SKAP1: variants seen among roughly 807,000 people sequenced by gnomAD.
SKAP1 encodes the protein src kinase-associated phosphoprotein 1.
In SKAP1, 44 loss-of-function variants were observed where a neutral mutation model predicts 58.5. The ratio of observed to expected loss-of-function variants is 0.75; its 90% CI spans 0.59 to 0.97. The LOEUF is 0.97. Among genes scored for constraint, SKAP1 ranks in the 50% least tolerant of loss-of-function variants. The pLI is 0.00. For missense variants in SKAP1, 390 were observed against 435.2 expected (o/e 0.90, Z 0.92); for synonymous variants, 127 against 149.7 (o/e 0.85, Z 1.11).
intron 4 of SKAP1, among the ~76,000 whole-genome samples, chr17:48,311,070 G>A (rs568960497): frequency 5.3e-5 from 8 of 152,158 alleles, no homozygotes; most frequent in East Asian, 1.9e-4. Flanking sequence ...GCATGTGCAC[G>A]GTCAGGTCAG....
chr17:48,238,949 C>G (rs1440126429), intron 4 of SKAP1, among the ~76,000 whole-genome samples: 1 of 151,926 alleles, frequency 6.6e-6, no homozygotes, highest in Non-Finnish European at 1.5e-5. Context: ...ATGAAAGATG[C>G]CCAGAAAAAG....
At chr17:48,232,512 G>T (rs972952932) in intron 4 of SKAP1, among the ~76,000 whole-genome samples, 4 of 152,290 alleles carry the variant, frequency 2.6e-5, no homozygotes, top group East Asian at 3.9e-4. Flanking sequence ...CAACGGTAAA[G>T]GTTCCATTGT....
intron 4 of SKAP1, among the ~76,000 whole-genome samples, chr17:48,339,458 C>G (rs573988801): frequency 6.6e-6 from 1 of 152,030 alleles, no homozygotes; most frequent in South Asian, 2.1e-4. Flanking sequence ...AAAATACACA[C>G]GAAGAAAGTT....
chr17:48,270,597 TC>T (rs1424529872), intron 4 of SKAP1, among the ~76,000 whole-genome samples: 1 of 152,090 alleles, frequency 6.6e-6, no homozygotes, highest in Non-Finnish European at 1.5e-5. Context: ...GGCCTCGACC[TC>T]CCAAAGTGCT....
chr17:48,311,852 AAGAT>A (rs947186058), intron 4 of SKAP1, among the ~76,000 whole-genome samples: 1 of 152,216 alleles, frequency 6.6e-6, no homozygotes, highest in Non-Finnish European at 1.5e-5. Context: ...CTGACACAAA[AAGAT>A]AGAGCTGTTC....
intron 1 of SKAP1, among the ~76,000 whole-genome samples, chr17:48,398,977 C>A (rs1436140797): frequency 6.6e-6 from 1 of 152,068 alleles, no homozygotes; most frequent in Non-Finnish European, 1.5e-5. Flanking sequence ...GCTGAGATTG[C>A]ATCACTGCAC....
chr17:48,135,167 A>G (rs1039542369), intron 12 of SKAP1, among the ~76,000 whole-genome samples: 5 of 152,130 alleles, frequency 3.3e-5, no homozygotes, highest in Non-Finnish European at 7.4e-5. Flanking sequence ...ATCCTTATGT[A>G]TTTTCCTAAA....
At chr17:48,184,378 AG>A (rs1350497203) in intron 7 of SKAP1, among the ~76,000 whole-genome samples, 1 of 152,204 alleles carries the variant, frequency 6.6e-6, no homozygotes, top group African/African-American at 2.4e-5. Context: ...AATCAGTCGA[AG>A]AATAAAGAGA....
chr17:48,287,189 T>C (rs2065842046), intron 4 of SKAP1, among the ~76,000 whole-genome samples: 1 of 152,020 alleles, frequency 6.6e-6, no homozygotes, highest in Admixed American at 6.6e-5. Context: ...ATTTGGCAAA[T>C]TGTGCCAGTG....
chr17:48,269,422 T>A (rs116338718), intron 4 of SKAP1, among the ~76,000 whole-genome samples: 3,711 of 152,264 alleles, frequency 0.024, 144 homozygotes, highest in African/African-American at 0.083. Flanking sequence ...ACACCAGGAC[T>A]AGAGAATGTG....
chr17:48,430,358 C>T (rs1003126844), upstream of SKAP1: 1 of 239,462 alleles, frequency 4.2e-6, no homozygotes, highest in Admixed American at 5.6e-5. Flanking sequence ...ACGCCGGAGC[C>T]CCACGGTAGA....
intron 4 of SKAP1, among the ~76,000 whole-genome samples, chr17:48,337,163 G>A (rs1017403200): frequency 6.6e-6 from 1 of 151,998 alleles, no homozygotes; most frequent in Admixed American, 6.6e-5. Context: ...CAGTGTATCC[G>A]GATTTAAGCT....
intron 1 of SKAP1, among the ~76,000 whole-genome samples, chr17:48,413,020 A>G (rs2144586833): frequency 6.6e-6 from 1 of 151,926 alleles, no homozygotes; most frequent in African/African-American, 2.4e-5. Flanking sequence ...TGCTCTAAAA[A>G]TACGCCCACA....
chr17:48,207,239 C>T (rs1299516422), intron 4 of SKAP1, among the ~76,000 whole-genome samples: 1 of 152,072 alleles, frequency 6.6e-6, no homozygotes, highest in Non-Finnish European at 1.5e-5. Flanking sequence ...AATCCCAGCG[C>T]TTTGGAGGCC....
intron 4 of SKAP1, among the ~76,000 whole-genome samples, chr17:48,262,689 T>C (rs1452640043): frequency 2.6e-5 from 4 of 152,200 alleles, no homozygotes; most frequent in Non-Finnish European, 5.9e-5. Flanking sequence ...GAACATATGT[T>C]TTATGAGCCA....
chr17:48,399,906 A>C (rs1234210594), intron 1 of SKAP1, among the ~76,000 whole-genome samples: 2 of 152,166 alleles, frequency 1.3e-5, no homozygotes, highest in African/African-American at 4.8e-5. Context: ...CAGGACAACT[A>C]AGCAAGAAAA....
intron 2 of SKAP1, among the ~76,000 whole-genome samples, chr17:48,374,875 G>C (rs1432631353): frequency 6.6e-6 from 1 of 152,162 alleles, no homozygotes; most frequent in Non-Finnish European, 1.5e-5. Flanking sequence ...TCCAAGGCCT[G>C]GGACCCAGGG....
intron 4 of SKAP1, among the ~76,000 whole-genome samples, chr17:48,306,061 A>T (rs1291120432): frequency 6.6e-6 from 1 of 152,148 alleles, no homozygotes. Context: ...AGAAGTTAAA[A>T]TTTTCTTTAT....
At chr17:48,203,521 C>A (rs568468798) in intron 4 of SKAP1, 2 of 152,312 alleles carry the variant, frequency 1.3e-5, no homozygotes, top group East Asian at 3.9e-4. Flanking sequence ...GTAATAATGC[C>A]TGGTGGGGAG....
Sources: allele counts gnomAD v4.1 joint callset (sites outside exome capture counted in the v4.1 genomes callset), GRCh38; gene constraint gnomAD v4.1.1; transcripts MANE v1.5; gene names NCBI Gene and HGNC (gene_info 2026-07-23, HGNC 2026-07-21).